GNG2: variants seen among roughly 807,000 people sequenced by gnomAD.
GNG2 encodes the protein guanine nucleotide-binding protein G(I)/G(S)/G(O) subunit gamma-2.
A neutral mutation model predicts 5.5 loss-of-function variants in GNG2; 5 were observed. The ratio of observed to expected loss-of-function variants is 0.91; its 90% confidence interval spans 0.48 to 1.92. The LOEUF (loss-of-function observed/expected upper bound fraction) is 1.92, where lower values mean the gene tolerates loss of function less well. GNG2 is among the 30% of genes most tolerant of loss of function. The pLI is 0.01. For missense variants in GNG2, 55 were observed against 88.4 expected (o/e 0.62, Z 1.52); for synonymous variants, 28 against 32.0 (o/e 0.88, Z 0.42).
intron 2 of GNG2, among the ~76,000 whole-genome samples, chr14:51,844,838 G>A (rs781774196): frequency 6.6e-6 from 1 of 152,242 alleles, no homozygotes; most frequent in Non-Finnish European, 1.5e-5. Flanking sequence ...TGATTCTCTT[G>A]CCTCAGCCTC....
intron 2 of GNG2, among the ~76,000 whole-genome samples, chr14:51,888,173 T>C (rs763302499): frequency 1.3e-5 from 2 of 152,202 alleles, no homozygotes; most frequent in Non-Finnish European, 2.9e-5. Context: ...TCAATGTAAT[T>C]ACATTGAGAT....
intron 2 of GNG2, among the ~76,000 whole-genome samples, chr14:51,943,686 GA>G (rs780054619): frequency 6.6e-6 from 1 of 151,928 alleles, no homozygotes; most frequent in Non-Finnish European, 1.5e-5. Context: ...AGGAAATTAA[GA>G]AAAAATTCCA....
In GNG2 at chr14:51,967,314, A is replaced by G. The variant is rs1238827688; in HGVS notation, c.*627A>G. On this transcript the variant is annotated 3_prime_UTR_variant, in exon 4 of 4. Transcript: ENST00000556766. ...CCCGTGGTGTATCCTCATGGTAACA[A>G]CGACAAAAAATGCCGGTTGTCTGTG... 6.6e-6 allele frequency: 1 copy of G among 152,228 alleles called. No individual in the cohort carries two copies. Among genetic ancestry groups the G allele is most frequent in the Admixed American group, 6.5e-5 (1 of 15,282 alleles). The allele number at this position is 152,228 out of a possible 1,614,324, so 9.4% of individuals were successfully genotyped here.
chr14:51,901,367 A>AT (rs1314560570), intron 2 of GNG2, among the ~76,000 whole-genome samples: 4 of 150,130 alleles, frequency 2.7e-5, no homozygotes, highest in Non-Finnish European at 4.4e-5. Flanking sequence ...TTTTTTTTCT[A>AT]TTTTTTGTAG....
intron 2 of GNG2, among the ~76,000 whole-genome samples, chr14:51,949,339 T>C (rs1289124663): frequency 6.6e-6 from 1 of 152,188 alleles, no homozygotes; most frequent in Non-Finnish European, 1.5e-5. Context: ...TATAGACTTT[T>C]GCTTTTTGGT....
intron 2 of GNG2, among the ~76,000 whole-genome samples, chr14:51,834,420 T>A (rs1881280335): frequency 6.6e-6 from 1 of 152,212 alleles, no homozygotes. Flanking sequence ...AAATGAGGCC[T>A]TCCTTGGTGA....
Position 51,950,636 on chromosome 14 carries a change from G to C in GNG2, c.-29-14G>C, listed in dbSNP as rs758549985. Reference sequence around the variant, plus strand: ...AATTCTCTGGTACAATCTTCTTTTTGTTTTCTTTTCTAGTGTTTCTGAAAG... The same window carrying C: ...AATTCTCTGGTACAATCTTCTTTTTCTTTTCTTTTCTAGTGTTTCTGAAAG... On this transcript the variant is annotated splice_polypyrimidine_tract_variant and intron_variant, in intron 2 of 3. Coordinates refer to ENST00000556766, the MANE Select transcript of GNG2 (RefSeq NM_053064.5). 6.9e-7 allele frequency: 1 copy of C among 1,451,552 alleles called. No individual in the cohort carries two copies. The highest frequency in any genetic ancestry group is 9.6e-7 in the Non-Finnish European group (1 of 1,040,164). The allele number at this position is 1,451,552 out of a possible 1,614,324, so 89.9% of individuals were successfully genotyped here.
rs572865331 is a variant in GNG2 at position 51,952,313 on chromosome 14, A to G, written c.87+1548A>G. ...CAGCCTTAATTCTTCTTCTTTCTTCATGACTGAGATCACTAAAGCGACCTT... is the reference window on the plus strand; with the variant it reads ...CAGCCTTAATTCTTCTTCTTTCTTCGTGACTGAGATCACTAAAGCGACCTT... On this transcript the variant is annotated intron_variant, in intron 3 of 3. Transcript: ENST00000556766. 2.6e-5 allele frequency among the ~76,000 whole-genome samples: 4 copies of G among 152,202 alleles called. No individual in the cohort carries two copies. In the South Asian group the frequency reaches 8.3e-4, roughly 32 times the overall value.
intron 2 of GNG2, among the ~76,000 whole-genome samples, chr14:51,919,855 C>T (rs1886905224): frequency 6.6e-6 from 1 of 152,198 alleles, no homozygotes; most frequent in Non-Finnish European, 1.5e-5. Flanking sequence ...AACCAAACAC[C>T]TGTTTATGTA....
intron 3 of GNG2, among the ~76,000 whole-genome samples, chr14:51,966,084 C>T (rs374865479): frequency 1.1e-3 from 170 of 151,954 alleles, no homozygotes; most frequent in African/African-American, 3.9e-3. Flanking sequence ...ATGGCACACA[C>T]CTGTAGTCCC....
chr14:51,901,027 CTAAG>C (rs1216544697), intron 2 of GNG2, among the ~76,000 whole-genome samples: 2 of 152,196 alleles, frequency 1.3e-5, no homozygotes, highest in African/African-American at 2.4e-5. Flanking sequence ...GATTTGCTAT[CTAAG>C]TAAGTGTTAA....
At chr14:51,893,563 T>C (rs544985330) in intron 2 of GNG2, among the ~76,000 whole-genome samples, 1 of 152,240 alleles carries the variant, frequency 6.6e-6, no homozygotes, top group East Asian at 1.9e-4. Flanking sequence ...ATAGTATCCT[T>C]TGTCATACTT....
At chr14:51,875,854 A>G (rs1167055665) in intron 1 of GNG2, among the ~76,000 whole-genome samples, 1 of 151,590 alleles carries the variant, frequency 6.6e-6, no homozygotes, top group Non-Finnish European at 1.5e-5. Flanking sequence ...ATTTTAAGTT[A>G]CTTTTTAAAG....
At chr14:51,928,125 G>A (rs1887442991) in intron 2 of GNG2, among the ~76,000 whole-genome samples, 1 of 147,598 alleles carries the variant, frequency 6.8e-6, no homozygotes, top group Admixed American at 6.8e-5. Context: ...CCACCTCCTG[G>A]AATCAAGCAA....
In GNG2 at chr14:51,969,026, G is replaced by A. The variant is rs1012016616; in HGVS notation, c.*2339G>A. ...TACGAAAATCTTTATATGAGTTTTG[G>A]CTTCTTGGTATTTGTACTTATTCAG... is the stretch of plus-strand genomic sequence containing the variant. On this transcript the variant is annotated 3_prime_UTR_variant, in exon 4 of 4. Transcript: ENST00000556766. 2.0e-5 allele frequency: 3 copies of A among 152,046 alleles called. No individual in the cohort carries two copies. The highest frequency in any genetic ancestry group is 7.2e-5 in the African/African-American group (3 of 41,402). The allele number at this position is 152,046 out of a possible 1,614,324, so 9.4% of individuals were successfully genotyped here. A position where few individuals can be genotyped will look rare whatever the true frequency, so the allele number is the denominator to read the frequency against.
At chr14:51,870,680 T>C (rs2140120660) in intron 1 of GNG2, among the ~76,000 whole-genome samples, 1 of 152,344 alleles carries the variant, frequency 6.6e-6, no homozygotes, top group East Asian at 1.9e-4. Flanking sequence ...AATTTCTGAT[T>C]ATGAGTTATT....
intron 2 of GNG2, among the ~76,000 whole-genome samples, chr14:51,892,534 A>T (rs1884928134): frequency 6.6e-6 from 1 of 152,132 alleles, no homozygotes; most frequent in Non-Finnish European, 1.5e-5. Flanking sequence ...CCTCACTTCA[A>T]GTGATCCTCC....
At chr14:51,836,585 A>C (rs1463338347) in intron 2 of GNG2, among the ~76,000 whole-genome samples, 1 of 152,064 alleles carries the variant, frequency 6.6e-6, no homozygotes, top group Admixed American at 6.6e-5. Flanking sequence ...TCCCCTCACC[A>C]CAACTCCAGC....
At chr14:51,853,543 A>C (rs888570971) in intron 2 of GNG2, among the ~76,000 whole-genome samples, 3 of 152,228 alleles carry the variant, frequency 2.0e-5, no homozygotes, top group Non-Finnish European at 2.9e-5. Context: ...GCCTTCAAAC[A>C]GCTCCTTTAA....
Sources: gnomAD v4.1 joint callset for allele counts (sites outside exome capture counted in the v4.1 genomes callset) on GRCh38, gnomAD v4.1.1 for gene constraint, MANE v1.5 for transcripts, NCBI Gene and HGNC (gene_info 2026-07-23, HGNC 2026-07-21) for gene names.